NRXN3: variants seen among roughly 807,000 people sequenced by gnomAD.
The protein encoded by NRXN3 is neurexin 3, also known as neurexin III.
In NRXN3, 32 loss-of-function variants were observed where a neutral mutation model predicts 137.6. The ratio of observed to expected loss-of-function variants is 0.23; its 90% CI spans 0.18 to 0.31. NRXN3 has a LOEUF of 0.31. Ranked by LOEUF, NRXN3 falls within the 10% of genes least tolerant of loss-of-function variation. NRXN3 has a pLI of 1.00. For synonymous variants in NRXN3, 798 were observed against 784.5 expected (o/e 1.02, Z -0.29); for missense variants, 1,574 against 2,062.5 (o/e 0.76, Z 4.59).
At chr14:79,511,388 C>A (rs531781993) in intron 16 of NRXN3, among the ~76,000 whole-genome samples, 1 of 152,298 alleles carries the variant, frequency 6.6e-6, no homozygotes, top group East Asian at 1.9e-4. Context: ...AGCTCCCAGA[C>A]ATGCTTGAGT....
At chr14:78,520,128 T>C (rs142894846) in intron 4 of NRXN3, among the ~76,000 whole-genome samples, 13 of 152,318 alleles carry the variant, frequency 8.5e-5, no homozygotes, top group Non-Finnish European at 1.5e-4. Flanking sequence ...CTAACCCTCA[T>C]TCTGCATGCA....
intron 15 of NRXN3, among the ~76,000 whole-genome samples, chr14:79,227,779 T>TTCCTTCCTTCCC (rs2071262610): frequency 8.6e-6 from 1 of 115,800 alleles, no homozygotes; most frequent in Admixed American, 9.5e-5. Flanking sequence ...CCTTCCTTCC[T>TTCCTTCCTTCCC]TCCTTCCCTC....
At chr14:79,762,049 C>A (rs1370967554) in intron 19 of NRXN3, among the ~76,000 whole-genome samples, 1 of 151,522 alleles carries the variant, frequency 6.6e-6, no homozygotes, top group Admixed American at 6.6e-5. Flanking sequence ...TGTAAGATGT[C>A]TAGGGGAATG....
intron 16 of NRXN3, among the ~76,000 whole-genome samples, chr14:79,503,654 C>T (rs999169062): frequency 1.2e-4 from 18 of 152,202 alleles, no homozygotes; most frequent in Non-Finnish European, 1.9e-4. Flanking sequence ...ACTGATGTCC[C>T]TGTGACAGCT....
At chr14:78,708,679 CT>C (rs1381203262) in intron 6 of NRXN3, 1 of 153,382 alleles carries the variant, frequency 6.5e-6, no homozygotes, top group Non-Finnish European at 1.4e-5. Context: ...CGCCCCCACA[CT>C]TTTACACAAT....
chr14:78,777,559 T>C (rs1346647374), intron 8 of NRXN3, among the ~76,000 whole-genome samples: 1 of 152,206 alleles, frequency 6.6e-6, no homozygotes, highest in Non-Finnish European at 1.5e-5. Context: ...TGCTGACTTC[T>C]GAGGCTAGAC....
chr14:79,790,637 T>C (rs1307530593), intron 19 of NRXN3, among the ~76,000 whole-genome samples: 4 of 146,326 alleles, frequency 2.7e-5, no homozygotes, highest in African/African-American at 1.0e-4. Flanking sequence ...TTTTTTTTTT[T>C]TGAGACAGAG....
At chr14:79,275,444 G>A (rs1221023815) in intron 15 of NRXN3, among the ~76,000 whole-genome samples, 1 of 152,112 alleles carries the variant, frequency 6.6e-6, no homozygotes, top group African/African-American at 2.4e-5. Context: ...AACTTGACAG[G>A]TAGCTCCTGC....
In NRXN3 at chr14:79,648,061, C is replaced by T. The variant is rs1349694142; in HGVS notation, c.3445-15717C>T. Among the ~76,000 whole-genome samples, 2 of 134,972 alleles carry T rather than the reference C, an allele frequency of 1.5e-5. 1 individual carries two copies. The highest frequency in any genetic ancestry group is 3.4e-5 in the Non-Finnish European group (2 of 58,072). 88.5% of individuals were successfully genotyped at this position (134,972 alleles called of 152,430 possible). Reference sequence around the variant, plus strand: ...TGAACGGAATGAAGTATAAGAAAACCTGTGCTTTCCTTAATTTTTCTTGAA... The same window carrying T: ...TGAACGGAATGAAGTATAAGAAAACTTGTGCTTTCCTTAATTTTTCTTGAA... On this transcript the variant is annotated intron_variant, in intron 16 of 20. Transcript: ENST00000335750.
At chr14:79,832,007 C>G (rs577280447) in intron 20 of NRXN3, among the ~76,000 whole-genome samples, 1 of 152,084 alleles carries the variant, frequency 6.6e-6, no homozygotes, top group Non-Finnish European at 1.5e-5. Context: ...AGGACACCCC[C>G]TCGCCGCCCT....
intron 6 of NRXN3, among the ~76,000 whole-genome samples, chr14:78,669,042 G>A (rs1367533179): frequency 1.3e-5 from 2 of 152,056 alleles, no homozygotes; most frequent in East Asian, 3.9e-4. Context: ...TTACAATGAA[G>A]CCCCAGATAA....
intron 1 of NRXN3, among the ~76,000 whole-genome samples, chr14:78,235,026 G>GTATATATATATA (rs377371263): frequency 0.01 from 884 of 87,000 alleles, 23 homozygotes; most frequent in African/African-American, 0.035. Context: ...ATATATATGT[G>GTATATATATATA]TATATATATA....
intron 4 of NRXN3, among the ~76,000 whole-genome samples, chr14:78,432,232 T>A (rs767277893): frequency 6.6e-6 from 1 of 151,930 alleles, no homozygotes; most frequent in Non-Finnish European, 1.5e-5. Flanking sequence ...TTCTAGCAGC[T>A]CACATGCCAA....
At chr14:79,590,569 C>T (rs1384948614) in intron 16 of NRXN3, among the ~76,000 whole-genome samples, 3 of 152,148 alleles carry the variant, frequency 2.0e-5, no homozygotes, top group Non-Finnish European at 4.4e-5. Context: ...CATCTTTAGG[C>T]ATCACATGAT....
chr14:78,508,146 G>A (rs2096030770), intron 4 of NRXN3, among the ~76,000 whole-genome samples: 1 of 152,278 alleles, frequency 6.6e-6, no homozygotes, highest in Non-Finnish European at 1.5e-5. Flanking sequence ...TGCTCTTCTA[G>A]CATGAAATGC....
chr14:78,708,225 T>A (rs564618921), intron 6 of NRXN3, among the ~76,000 whole-genome samples: 33 of 152,310 alleles, frequency 2.2e-4, no homozygotes, highest in African/African-American at 7.9e-4. Context: ...ACAGTGGCCA[T>A]GGCTTTGCAG....
intron 20 of NRXN3, among the ~76,000 whole-genome samples, chr14:79,837,600 G>A (rs1175729971): frequency 6.6e-6 from 1 of 151,930 alleles, no homozygotes; most frequent in African/African-American, 2.4e-5. Context: ...TTTTCCTTTG[G>A]GCCACAAATA....
intron 8 of NRXN3, among the ~76,000 whole-genome samples, chr14:78,781,828 T>G (rs546951287): frequency 1.3e-5 from 2 of 152,224 alleles, no homozygotes; most frequent in Non-Finnish European, 2.9e-5. Context: ...CTGAAGGCAA[T>G]AGTTAGCAGG....
At chr14:78,893,139 C>T (rs1402950106) in intron 10 of NRXN3, among the ~76,000 whole-genome samples, 1 of 151,924 alleles carries the variant, frequency 6.6e-6, no homozygotes, top group African/African-American at 2.4e-5. Context: ...TCATCTTTCT[C>T]TTCCCCTGGG....
Sources: allele counts gnomAD v4.1 joint callset (sites outside exome capture counted in the v4.1 genomes callset), GRCh38; gene constraint gnomAD v4.1.1; transcripts MANE v1.5; gene names NCBI Gene and HGNC (gene_info 2026-07-23, HGNC 2026-07-21).